KLK3: variants seen among roughly 807,000 people sequenced by gnomAD.
KLK3 encodes the protein prostate-specific antigen.
KLK3 carries 23 observed loss-of-function variants against 27.7 expected under a neutral mutation model. That is an observed-to-expected ratio of 0.83 (90% CI 0.60 to 1.17). The LOEUF is 1.17. KLK3 is among the 50% of genes most tolerant of loss of function. KLK3 has a pLI of 0.00. For missense variants in KLK3, 322 were observed against 338.1 expected (o/e 0.95, Z 0.37); for synonymous variants, 142 against 134.2 (o/e 1.06, Z -0.40).
chr19:50,858,917 A>G (rs560406069), intron 4 of KLK3: 245 of 484,114 alleles, frequency 5.1e-4, no homozygotes, highest in African/African-American at 4.4e-3. Flanking sequence ...GTAGCCCCCA[A>G]GCCAGTGAGG....
In KLK3 at chr19:50,859,065, C is replaced by T. The variant is rs2090167719; in HGVS notation, c.630+470C>T. On this transcript the variant is annotated intron_variant, in intron 4 of 4. Transcript: ENST00000326003. ...GCAGAAGGCGGGAGTGAGCAAACAC[C>T]TGCCGCAGGGGAGGGGAGGGCCCTG... 3 of 215,990 alleles carry T rather than the reference C, an allele frequency of 1.4e-5. No homozygotes were observed. The South Asian group carries it at 4.0e-4, about 29-fold the overall frequency. 13.4% of individuals were successfully genotyped at this position (215,990 alleles called of 1,614,324 possible).
At chr19:50,855,048 T>C (rs1351413277) in intron 1 of KLK3, 47 bp downstream of exon 1, 2 of 1,597,662 alleles carry the variant, frequency 1.3e-6, no homozygotes, top group Non-Finnish European at 1.7e-6. Flanking sequence ...GAGCCAGCCC[T>C]GACTGTCAAG....
chr19:50,860,371 A>G lies in KLK3; in HGVS notation c.*244A>G, dbSNP rs2090177878. ...CATATCACTCAATTTCTCTGAGGAC[A>G]CAGATAGGATGGGGTGTCTGTGTTA... On this transcript the variant is annotated 3_prime_UTR_variant, in exon 5 of 5. Transcript: ENST00000326003. 3 of 411,826 alleles carry G rather than the reference A, an allele frequency of 7.3e-6. No homozygotes were observed. The South Asian group carries it at 1.4e-4, about 20-fold the overall frequency. The allele number at this position is 411,826 out of a possible 1,614,324, so 25.5% of individuals were successfully genotyped here.
At chr19:50,856,455 G>A in intron 2 of KLK3, 56 bp downstream of exon 2, 3 of 1,577,112 alleles carry the variant, frequency 1.9e-6, no homozygotes, top group South Asian at 1.2e-5. Flanking sequence ...AGGAATAACA[G>A]CTGGGCATTT....
chr19:50,858,221 G>A lies in KLK3; in HGVS notation c.399G>A (p.Thr133=), dbSNP rs765201777. 31 of 1,614,082 alleles carry A rather than the reference G, an allele frequency of 1.9e-5. No individual in the cohort carries two copies. Among genetic ancestry groups the A allele is most frequent in the East Asian group, 6.7e-5 (3 of 44,896 alleles). ...LLRLSEPAEL[T]DAVKVMDLPT... is the part of the protein sequence containing the mutation. Reference sequence around the variant, plus strand: ...GCCTGTCAGAGCCTGCCGAGCTCACGGATGCTGTGAAGGTCATGGACCTGC... The same window carrying A: ...GCCTGTCAGAGCCTGCCGAGCTCACAGATGCTGTGAAGGTCATGGACCTGC... Residue 133 remains threonine, a synonymous_variant, in exon 3 of 5, where the codon ACG becomes ACA. Coordinates refer to ENST00000326003, the MANE Select transcript of KLK3 (RefSeq NM_001648.2).
Position 50,860,349 on chromosome 19 carries a change from A to G in KLK3, c.*222A>G. On this transcript the variant is annotated 3_prime_UTR_variant, in exon 5 of 5. Coordinates refer to ENST00000326003, the MANE Select transcript of KLK3 (RefSeq NM_001648.2). Reference sequence around the variant, plus strand: ...GAATACTGGCCATGCCTGGAGACATATCACTCAATTTCTCTGAGGACACAG... The same window carrying G: ...GAATACTGGCCATGCCTGGAGACATGTCACTCAATTTCTCTGAGGACACAG... 2.2e-6 allele frequency: 1 copy of G among 448,176 alleles called. No homozygotes were observed. Among genetic ancestry groups the G allele is most frequent in the South Asian group, 4.3e-5 (1 of 23,210 alleles). The allele number at this position is 448,176 out of a possible 1,614,324, so 27.8% of individuals were successfully genotyped here. A position where few individuals can be genotyped will look rare whatever the true frequency, so the allele number is the denominator to read the frequency against.
rs1305036712 is a variant in KLK3 at position 50,858,133 on chromosome 19, G to C, written c.311G>C (p.Ser104Thr). The C allele has an allele frequency of 6.2e-7, 1 of 1,614,100 alleles. No homozygotes were observed. ...HSFPHPLYDM[S>T]LLKNRFLRPG... ...TTCCCACACCCGCTCTACGATATGA[G>C]CCTCCTGAAGAATCGATTCCTCAGG... The change falls in exon 3 of 5, where the codon AGC (serine) becomes ACC (threonine). Residue 104 changes from serine to threonine, a missense_variant. By Grantham distance (58) the Ser-to-Thr change is moderately conservative (BLOSUM62 1). Transcript: ENST00000326003.
Position 50,859,962 on chromosome 19 carries a change from T to C in KLK3, c.631-10T>C, listed in dbSNP as rs1302711453. 1 of 1,605,748 alleles carries C rather than the reference T, an allele frequency of 6.2e-7. No homozygotes were observed. Among genetic ancestry groups the C allele is most frequent in the Admixed American group, 1.7e-5 (1 of 59,488 alleles). The stretch of plus-strand genomic sequence containing the variant: ...GACCTATCTCACTCTCTCCCTGCTT[T>C]TACCCTTAGGGTGATTCTGGGGGCC... On this transcript the variant is annotated splice_polypyrimidine_tract_variant and intron_variant, in intron 4 of 4. Coordinates refer to ENST00000326003, the MANE Select transcript of KLK3 (RefSeq NM_001648.2).
chr19:50,860,401 TGG>T lies in KLK3; in HGVS notation c.*277_*278del. ...TAGGATGGGGTGTCTGTGTTATTTG[TGG>T]GGTACAGAGATGAAAGAGGGGTGGG... On this transcript the variant is annotated 3_prime_UTR_variant, in exon 5 of 5. Coordinates refer to ENST00000326003, the MANE Select transcript of KLK3 (RefSeq NM_001648.2). 2.9e-6 allele frequency: 1 copy of T among 343,644 alleles called. No individual in the cohort carries two copies. Among genetic ancestry groups the T allele is most frequent in the South Asian group, 5.8e-5 (1 of 17,100 alleles). 21.3% of individuals were successfully genotyped at this position (343,644 alleles called of 1,614,324 possible).
chr19:50,856,630 C>T (rs1271256395), intron 2 of KLK3: 1 of 515,230 alleles, frequency 1.9e-6, no homozygotes, highest in East Asian at 3.4e-5. Context: ...TTCATTATGT[C>T]TCTTGGTAAC....
At chr19:50,859,791 C>T in intron 4 of KLK3, 181 bp from the exon 5 acceptor site, 1 of 1,468,542 alleles carries the variant, frequency 6.8e-7, no homozygotes, top group Non-Finnish European at 9.0e-7. Flanking sequence ...ACTGGAGCCC[C>T]TACCCCTCTG....
At chr19:50,859,814 C>T in intron 4 of KLK3, 158 bp from the exon 5 acceptor site, 5 of 1,472,730 alleles carry the variant, frequency 3.4e-6, no homozygotes, top group South Asian at 2.8e-5. Context: ...GGAATCCCTG[C>T]CCACCTTCTT....
intron 2 of KLK3, among the ~76,000 whole-genome samples, chr19:50,857,162 C>CAAAAAAAAAAAAAAAAAAAAAA (rs560911495): frequency 2.2e-5 from 1 of 46,414 alleles, no homozygotes; most frequent in African/African-American, 7.5e-5. Context: ...GACTCCGCCT[C>CAAAAAAAAAAAAAAAAAAAAAA]AAAAAAAAAA....
At chr19:50,856,198 C>T (rs1432991931) in intron 1 of KLK3, 42 bp from the exon 2 acceptor site, 5 of 1,572,938 alleles carry the variant, frequency 3.2e-6, no homozygotes, top group African/African-American at 2.7e-5. Context: ...CCCAGTTCCT[C>T]CTGTCAACCC....
At chr19:50,859,796 C>G (rs941966465) in intron 4 of KLK3, 176 bp from the exon 5 acceptor site, 2 of 1,468,148 alleles carry the variant, frequency 1.4e-6, no homozygotes, top group Non-Finnish European at 1.8e-6. Flanking sequence ...AGCCCCTACC[C>G]CTCTGTTGGA....
intron 1 of KLK3, 187 bp from the exon 2 acceptor site, chr19:50,856,053 C>A (rs538654769): frequency 3.4e-6 from 2 of 587,396 alleles, no homozygotes; most frequent in Non-Finnish European, 6.0e-6. Context: ...CACCAACCTG[C>A]AAACCTAGGG....
At position 50,856,889 on chromosome 19, in the gene KLK3, G is replaced by A. The variant is rs532525400; in HGVS notation, c.206+490G>A. Among the ~76,000 whole-genome samples, 9 of 152,138 alleles carry A rather than the reference G, an allele frequency of 5.9e-5. No homozygotes were observed. The South Asian group carries it at 1.5e-3, about 25-fold the overall frequency. On this transcript the variant is annotated intron_variant, in intron 2 of 4. Transcript: ENST00000326003. ...AGAAAAGGAAGGGCTTTGGCTGGGC[G>A]CGGTGGCTCACACCTGTAATCCCAG...
chr19:50,857,024 G>A (rs540393407), intron 2 of KLK3, among the ~76,000 whole-genome samples: 7 of 151,808 alleles, frequency 4.6e-5, no homozygotes, highest in African/African-American at 1.2e-4. Context: ...TTAGCCAGGC[G>A]TGGTGGCGCA....
chr19:50,860,312 CTG>C lies in KLK3; in HGVS notation c.*189_*190del. 1.9e-6 allele frequency: 1 copy of C among 522,954 alleles called. No homozygotes were observed. The highest frequency in any genetic ancestry group is 3.5e-6 in the Non-Finnish European group (1 of 289,192). The allele number at this position is 522,954 out of a possible 1,614,324, so 32.4% of individuals were successfully genotyped here. A position where few individuals can be genotyped will look rare whatever the true frequency, so the allele number is the denominator to read the frequency against. On this transcript the variant is annotated 3_prime_UTR_variant, in exon 5 of 5. Transcript: ENST00000326003. ...CTTAAATGGTGTAATTTTGTCCTCT[CTG>C]TGTCCTGGGGAATACTGGCCATGCC... is the stretch of plus-strand genomic sequence containing the variant.
Sources: gnomAD v4.1 joint callset for allele counts (sites outside exome capture counted in the v4.1 genomes callset) on GRCh38, gnomAD v4.1.1 for gene constraint, MANE v1.5 for transcripts, NCBI Gene and HGNC (gene_info 2026-07-23, HGNC 2026-07-21) for gene names.